Variants in TRIM27 observed in about 807,000 individuals in gnomAD.
The protein encoded by TRIM27 is zinc finger protein RFP.
A neutral mutation model predicts 57.6 loss-of-function variants in TRIM27; 12 were observed. That is an observed-to-expected ratio of 0.21 (90% CI 0.13 to 0.34). The LOEUF (loss-of-function observed/expected upper bound fraction) is 0.34, where lower values mean the gene tolerates loss of function less well. TRIM27 is among the 10% of genes least tolerant of loss of function. The pLI is 1.00. For synonymous variants in TRIM27, 266 were observed against 259.0 expected, an observed-to-expected ratio of 1.03 and a Z score of -0.26; for missense variants, 403 against 656.8, an observed-to-expected ratio of 0.61 and a Z score of 4.22.
At chr6:28,913,954 A>C (rs1773409018) in intron 3 of TRIM27, among the ~76,000 whole-genome samples, 1 of 148,662 alleles carries the variant, frequency 6.7e-6, no homozygotes, top group African/African-American at 2.5e-5. Context: ...TGGGCTTTAA[A>C]ATATGGTGTA....
rs1772607568 is a variant in TRIM27 at position 28,904,319 on chromosome 6, G to A, written c.1293C>T (p.Thr431=). The change falls in exon 8 of 8, where the codon ACC becomes ACT. Residue 431 remains threonine, a synonymous_variant. Transcript: ENST00000377199. This position sits in a 1 kb window ranked among gnomAD's most constrained non-coding sequence, Gnocchi z 6.1. Reference sequence around the variant, plus strand: ...AGAAAATCCCCACCCGCTGGAGCGGGGTCCGCAGGGGTAGGGCAGTCATTG... The same window carrying A: ...AGAAAATCCCCACCCGCTGGAGCGGAGTCCGCAGGGGTAGGGCAGTCATTG... ...TSPMTALPLR[T]PLQRVGIFLD... is the part of the protein sequence containing the mutation. 1.2e-6 allele frequency: 2 copies of A among 1,612,904 alleles called. No homozygotes were observed. The highest frequency in any genetic ancestry group is 1.7e-6 in the Non-Finnish European group (2 of 1,180,012).
intron 3 of TRIM27, chr6:28,914,891 G>A (rs1476969010): frequency 1.4e-5 from 2 of 143,574 alleles, no homozygotes; most frequent in African/African-American, 5.1e-5. Flanking sequence ...TTTATCACTT[G>A]TTTTTTTTTT....
Position 28,920,045 on chromosome 6 carries a change from C to T in TRIM27, c.714G>A (p.Glu238=), listed in dbSNP as rs781710473. Residue 238 remains glutamate (E), a synonymous_variant, in exon 3 of 8, where the codon GAG becomes GAA. Transcript: ENST00000377199. The part of the protein sequence containing the change: ...HLSSLIAQLE[E]KQQQPTRELL... The stretch of plus-strand genomic sequence containing the variant: ...GCTCCCTGGTGGGCTGCTGCTGCTT[C>T]TCTTCTAGCTGAGCGATCAGGCTGC... 1.9e-6 allele frequency: 3 copies of T among 1,613,878 alleles called. No individual in the cohort carries two copies. In the East Asian group the frequency reaches 6.7e-5, roughly 36 times the overall value.
intron 3 of TRIM27, among the ~76,000 whole-genome samples, chr6:28,912,850 C>T (rs953129543): frequency 3.3e-5 from 5 of 152,112 alleles, no homozygotes; most frequent in Non-Finnish European, 7.3e-5. Flanking sequence ...GATAATTTAA[C>T]ATGTTCATAA....
rs1420483909 is a variant in TRIM27 at position 28,923,756 on chromosome 6, C to A, written c.-124G>T. 2 of 1,121,520 alleles carry A rather than the reference C, an allele frequency of 1.8e-6. No homozygotes were observed. Among genetic ancestry groups the A allele is most frequent in the Non-Finnish European group, 1.2e-6 (1 of 818,156 alleles). 69.5% of individuals were successfully genotyped at this position (1,121,520 alleles called of 1,614,324 possible). A position where few individuals can be genotyped will look rare whatever the true frequency, so the allele number is the denominator to read the frequency against. ...GGCACCGGGCGGACGGAGGGCGGCG[C>A]CTCCCGGGCCCGTATCCCAGACGCG... On this transcript the variant is annotated 5_prime_UTR_variant, in exon 1 of 8. Transcript: ENST00000377199.
chr6:28,923,427 C>T lies in TRIM27; in HGVS notation c.206G>A (p.Arg69Gln). Residue 69 changes from arginine to glutamine, a missense_variant, in exon 1 of 8, where the codon CGG becomes CAG. Transcript: ENST00000377199. ...CAGTTGGGTCACGTTGGCCAGGTGC[C>T]GGTTGGGCCGCATGTGCCTCTGCGG... Reference protein sequence around the residue: ...TFPQRHMRPNRHLANVTQLVK... With the variant: ...TFPQRHMRPNQHLANVTQLVK... 1 of 1,612,174 alleles carries T rather than the reference C, an allele frequency of 6.2e-7. No homozygotes were observed. Among genetic ancestry groups the T allele is most frequent in the Non-Finnish European group, 8.5e-7 (1 of 1,179,422 alleles).
At chr6:28,923,097 G>A (rs1314732483) in intron 1 of TRIM27, 116 bp downstream of exon 1, 1 of 1,198,036 alleles carries the variant, frequency 8.3e-7, no homozygotes, top group Non-Finnish European at 1.1e-6. Context: ...GGAAATGACG[G>A]CTGTGAACCA....
In TRIM27 at chr6:28,921,892, CA is replaced by C. The variant is rs1486386426; in HGVS notation, c.515del (p.Leu172Ter). Reference protein sequence around the residue: ...AQGEQARAELLSLTQMEREKI... With the variant: ...AQGEQARAELXSLTQMEREKI... ...AACTGTGAATTCCAACAACCCTTACCAAGAGTTCAGCTCGTGCCTGTTCCCC... is the reference window on the plus strand; with the variant it reads ...AACTGTGAATTCCAACAACCCTTACCAGAGTTCAGCTCGTGCCTGTTCCCC... On this transcript the variant is annotated frameshift_variant and splice_region_variant, in exon 2 of 8. Transcript: ENST00000377199. LOFTEE classifies it high-confidence loss of function. 1 of 1,611,664 alleles carries C rather than the reference CA, an allele frequency of 6.2e-7. No homozygotes were observed. The highest frequency in any genetic ancestry group is 8.5e-7 in the Non-Finnish European group (1 of 1,178,904).
intron 7 of TRIM27, chr6:28,906,996 CTTCT>C (rs1772816219): frequency 1.9e-6 from 1 of 516,244 alleles, no homozygotes; most frequent in African/African-American, 2.0e-5. Flanking sequence ...CCCTATAATC[CTTCT>C]TTAACACCTG....
At chr6:28,922,485 C>T (rs1774122221) in intron 1 of TRIM27, among the ~76,000 whole-genome samples, 1 of 152,202 alleles carries the variant, frequency 6.6e-6, no homozygotes, top group Admixed American at 6.5e-5. Flanking sequence ...AGTGATTGCA[C>T]ATGAATGTAC....
At chr6:28,915,497 T>A (rs533689327) in intron 3 of TRIM27, 1 of 152,142 alleles carries the variant, frequency 6.6e-6, no homozygotes, top group East Asian at 1.9e-4. Flanking sequence ...TAATCCCAGC[T>A]ACTCGGGAGG....
rs750576058 is a variant in TRIM27, at chr6:28,923,645, C to G, written c.-13G>C. On this transcript the variant is annotated 5_prime_UTR_variant, in exon 1 of 8. Transcript: ENST00000377199. Reference sequence around the variant, plus strand: ...TCCCGGAGGCCATGGCGCCGGCCTGCGGGGGCGCACGGGCATGGGCCCCGG... The same window carrying G: ...TCCCGGAGGCCATGGCGCCGGCCTGGGGGGGCGCACGGGCATGGGCCCCGG... 3 of 1,542,950 alleles carry G rather than the reference C, an allele frequency of 1.9e-6. No homozygotes were observed. Among genetic ancestry groups the G allele is most frequent in the African/African-American group, 2.7e-5 (2 of 73,504 alleles).
At chr6:28,906,977 C>T (rs1043979667) in intron 7 of TRIM27, 58 of 472,108 alleles carry the variant, frequency 1.2e-4, no homozygotes, top group Admixed American at 6.9e-4. Flanking sequence ...TGGGGAACTG[C>T]GGTTTCCACC....
rs1199987196 is a variant in TRIM27, at chr6:28,921,934, CTT to C, written c.472_473del (p.Lys158GlufsTer12). The C allele has an allele frequency of 6.2e-7, 1 of 1,613,114 alleles. No individual in the cohort carries two copies. On this transcript the variant is annotated frameshift_variant, in exon 2 of 8. Coordinates refer to ENST00000377199, the MANE Select transcript of TRIM27 (RefSeq NM_006510.5). LOFTEE classifies it high-confidence loss of function. ...DHLKRVKDLK[K>X]RRRAQGEQAR... ...CCTGTTCCCCCTGGGCCCGACGTCT[CTT>C]CTTTAAATCTTTCACTCTTTTTAAA...
rs763531927 is a variant in TRIM27, at chr6:28,921,927, G to A, written c.481C>T (p.Arg161Trp). The A allele has an allele frequency of 3.7e-6, 6 of 1,612,940 alleles. No homozygotes were observed. The East Asian group carries it at 1.1e-4, about 30-fold the overall frequency. ...GCTCGTGCCTGTTCCCCCTGGGCCC[G>A]ACGTCTCTTCTTTAAATCTTTCACT... ...KRVKDLKKRR[R>W]AQGEQARAEL... Residue 161 changes from arginine (R) to tryptophan (W), a missense_variant, in exon 2 of 8, where the codon CGG (arginine) becomes TGG (tryptophan). Transcript: ENST00000377199.
chr6:28,923,148 CCCCTTTGGCTCTCTCCT>C, intron 1 of TRIM27, 48 bp downstream of exon 1: 5 of 1,444,214 alleles, frequency 3.5e-6, no homozygotes, highest in Non-Finnish European at 4.6e-6. Context: ...AAAAAGGAAG[CCCCTTTGGCTCTCTCCT>C]CCCTTTGTCC....
chr6:28,913,823 T>C (rs954701915), intron 3 of TRIM27, among the ~76,000 whole-genome samples: 9 of 151,988 alleles, frequency 5.9e-5, no homozygotes, highest in Non-Finnish European at 1.2e-4. Flanking sequence ...TCTTTTTATA[T>C]TAGAACTATC....
intron 4 of TRIM27, 122 bp from the exon 5 acceptor site, chr6:28,909,210 C>A (rs1160500809): frequency 1.4e-5 from 9 of 662,686 alleles, no homozygotes; most frequent in Non-Finnish European, 2.3e-5. Flanking sequence ...CAGGTTCAAG[C>A]GATTCTCCTG....
chr6:28,915,959 T>G (rs1773564057), intron 3 of TRIM27, among the ~76,000 whole-genome samples: 1 of 152,110 alleles, frequency 6.6e-6, no homozygotes, highest in African/African-American at 2.4e-5. Context: ...TTCTATTGCG[T>G]AGGCTGGAGT....
Sources: gnomAD v4.1 joint callset for allele counts (sites outside exome capture counted in the v4.1 genomes callset) on GRCh38, gnomAD v4.1.1 for gene constraint, Gnocchi (gnomAD v3.1) non-coding constraint, MANE v1.5 for transcripts, NCBI Gene and HGNC (gene_info 2026-07-23, HGNC 2026-07-21) for gene names.